The following DCT variants were observed in gnomAD, a reference collection of about 807,000 sequenced individuals.
The protein encoded by DCT is L-dopachrome tautomerase.
A neutral mutation model predicts 53.0 loss-of-function variants in DCT; 47 were observed. That is an observed-to-expected ratio of 0.89 (90% CI 0.70 to 1.13). The LOEUF is 1.13. Ranked by LOEUF, DCT falls within the 50% of genes most tolerant of loss-of-function variation. DCT has a pLI of 0.00. For synonymous variants in DCT, 244 were observed against 237.0 expected (o/e 1.03, Z -0.27); for missense variants, 669 against 637.4 (o/e 1.05, Z -0.53).
At chr13:94,471,773 A>G (rs891041782) in intron 1 of DCT, among the ~76,000 whole-genome samples, 5 of 152,218 alleles carry the variant, frequency 3.3e-5, no homozygotes, top group Admixed American at 3.3e-4. Flanking sequence ...TCTATAGCTG[A>G]TTGGAGGTAA....
chr13:94,450,537 A>T (rs563916278), intron 6 of DCT, among the ~76,000 whole-genome samples: 2 of 152,182 alleles, frequency 1.3e-5, no homozygotes, highest in Non-Finnish European at 2.9e-5. Context: ...GTGTGTAAAA[A>T]TGTACACAAT....
chr13:94,544,034 CAA>C, the DCT span, among the ~76,000 whole-genome samples: 4,769 of 122,030 alleles, frequency 0.039, 96 homozygotes, highest in Non-Finnish European at 0.057. Flanking sequence ...GACTCTGTCT[CAA>C]AAAAAAAAAA....
chr13:94,526,265 G>A, the DCT span, among the ~76,000 whole-genome samples: 3 of 152,202 alleles, frequency 2.0e-5, no homozygotes, highest in African/African-American at 7.2e-5. Flanking sequence ...GAGCTGCAGT[G>A]ATGAATAATG....
rs1181482591 is a variant in DCT at position 94,478,975 on chromosome 13, G to A, written c.281C>T (p.Thr94Ile). Residue 94 changes from threonine to isoleucine, a missense_variant, in exon 1 of 8, where the codon ACC becomes ATC. By Grantham distance (89) the Thr-to-Ile change is moderately conservative. Coordinates refer to ENST00000377028, the MANE Select transcript of DCT (RefSeq NM_001922.5). ...ATGGGCCTCACCTGTGCACTTGCAG[G>A]TCCGGTGGAAGAATTTTCTTGGCCA... is the stretch of plus-strand genomic sequence containing the variant. ...ELWPRKFFHRTCKCTGNFAGY... is the reference protein window; with the variant it reads ...ELWPRKFFHRICKCTGNFAGY... 28 of 1,610,506 alleles carry A rather than the reference G, an allele frequency of 1.7e-5. No individual in the cohort carries two copies. The highest frequency in any genetic ancestry group is 2.3e-5 in the Non-Finnish European group (27 of 1,177,522).
chr13:94,518,155 AATGAAGGAAGG>A, the DCT span, among the ~76,000 whole-genome samples: 142 of 120,700 alleles, frequency 1.2e-3, 3 homozygotes, highest in African/African-American at 3.7e-3. Flanking sequence ...GGAAGGAAGG[AATGAAGGAAGG>A]AAGGAAGAAA....
the DCT span, among the ~76,000 whole-genome samples, chr13:94,511,960 C>T: frequency 2.6e-5 from 4 of 151,822 alleles, no homozygotes; most frequent in Non-Finnish European, 5.9e-5. Flanking sequence ...AACTCTGGGG[C>T]TCAAGCAATA....
chr13:94,524,470 C>T, the DCT span, among the ~76,000 whole-genome samples: 1 of 152,236 alleles, frequency 6.6e-6, no homozygotes, highest in African/African-American at 2.4e-5. Context: ...GGCAGCAATC[C>T]CCTCTGCCAC....
chr13:94,488,400 C>T, the DCT span, among the ~76,000 whole-genome samples: 18 of 152,114 alleles, frequency 1.2e-4, no homozygotes, highest in East Asian at 3.3e-3. Flanking sequence ...TTAGACTGTT[C>T]AGGGTCTAGA....
chr13:94,445,884 TG>T (rs563183595), intron 6 of DCT: 6 of 619,986 alleles, frequency 9.7e-6, no homozygotes, highest in African/African-American at 1.9e-5. Context: ...GGAGAAACTG[TG>T]GGGGGGCGGG....
the DCT span, among the ~76,000 whole-genome samples, chr13:94,534,687 A>G: frequency 2.0e-5 from 3 of 152,256 alleles, no homozygotes; most frequent in Non-Finnish European, 4.4e-5. Context: ...CTCTACTGCC[A>G]TCGGCTGCCC....
In DCT at chr13:94,468,842, G is replaced by A. The variant is rs1884405900; in HGVS notation, c.499C>T (p.Leu167Phe). 6.2e-7 allele frequency: 1 copy of A among 1,613,962 alleles called. No homozygotes were observed. ...VITTQHWLGL[L>F]GPNGTQPQFA... ...TGCGGCTGGGTTCCATTGGGCCCAA[G>A]CAGGCCCAGCCAGTGTTGTGTGGTG... The change falls in exon 2 of 8, where the codon CTT becomes TTT. Residue 167 changes from leucine to phenylalanine, a missense_variant. Leu to Phe is a conservative substitution (Grantham distance 22). Transcript: ENST00000377028.
At chr13:94,536,944 A>G in the DCT span, among the ~76,000 whole-genome samples, 1 of 152,182 alleles carries the variant, frequency 6.6e-6, no homozygotes, top group Non-Finnish European at 1.5e-5. Context: ...ACTCCACCTC[A>G]AAAGCAAAAA....
the DCT span, among the ~76,000 whole-genome samples, chr13:94,503,411 G>C: frequency 6.7e-6 from 1 of 149,734 alleles, no homozygotes; most frequent in African/African-American, 2.5e-5. Flanking sequence ...GGAGAGGGGA[G>C]GGGAGGTGGG....
chr13:94,502,831 T>A, the DCT span, among the ~76,000 whole-genome samples: 3 of 152,272 alleles, frequency 2.0e-5, no homozygotes, highest in East Asian at 5.8e-4. Context: ...CCACATCTGC[T>A]CATGCAGACA....
At chr13:94,548,366 G>C in the DCT span, among the ~76,000 whole-genome samples, 381 of 152,068 alleles carry the variant, frequency 2.5e-3, no homozygotes, top group African/African-American at 8.9e-3. Context: ...TCATAAATAT[G>C]AGTTTCCCTT....
chr13:94,479,441 C>T lies in DCT; in HGVS notation c.-186G>A, dbSNP rs1885341077. 1.7e-6 allele frequency: 1 copy of T among 574,686 alleles called. No homozygotes were observed. The highest frequency in any genetic ancestry group is 2.6e-5 in the South Asian group (1 of 38,422). 35.6% of individuals were successfully genotyped at this position (574,686 alleles called of 1,614,324 possible). On this transcript the variant is annotated 5_prime_UTR_variant, in exon 1 of 8. It removes an upstream start codon present in the reference 5' UTR. Transcript: ENST00000377028. ...GAGGTTACATGTGTGCACATGTGTA[C>T]ATGAACGTGCACACACAATTTTATG...
the DCT span, among the ~76,000 whole-genome samples, chr13:94,540,852 G>T: frequency 6.6e-6 from 1 of 152,278 alleles, no homozygotes; most frequent in African/African-American, 2.4e-5. Flanking sequence ...GCACTCCCAT[G>T]CTTATTGCAG....
the DCT span, among the ~76,000 whole-genome samples, chr13:94,510,851 C>T: frequency 6.6e-6 from 1 of 152,230 alleles, no homozygotes; most frequent in Admixed American, 6.5e-5. Flanking sequence ...GCCTGTGGAG[C>T]ATCAACATCT....
chr13:94,512,430 C>T, the DCT span, among the ~76,000 whole-genome samples: 1 of 152,108 alleles, frequency 6.6e-6, no homozygotes, highest in Non-Finnish European at 1.5e-5. Context: ...CAAAGAAAGA[C>T]ATTCAAATAA....
Sources: gnomAD v4.1 joint callset for allele counts (sites outside exome capture counted in the v4.1 genomes callset) on GRCh38, gnomAD v4.1.1 for gene constraint, MANE v1.5 for transcripts, NCBI Gene and HGNC (gene_info 2026-07-23, HGNC 2026-07-21) for gene names.